SHC3: variants seen among roughly 807,000 people sequenced by gnomAD.
SHC3 encodes SHC adaptor protein 3, also known as SHC-transforming protein 3.
In SHC3, 15 loss-of-function variants were observed where a neutral mutation model predicts 60.4. That is an observed-to-expected ratio of 0.25 (90% confidence interval 0.17 to 0.38). The LOEUF is 0.38. Ranked by LOEUF, SHC3 falls within the 10% of genes least tolerant of loss-of-function variation. The pLI is 1.00. For synonymous variants in SHC3, 294 were observed against 325.9 expected (o/e 0.90, Z 1.05); for missense variants, 677 against 786.1 (o/e 0.86, Z 1.66).
rs1319711571 is a variant in SHC3, at chr9:89,105,060, C to T, written c.545+7496G>A. Reference sequence around the variant, plus strand: ...ATGCACTTGCCCACTGCATCCCAGCCGACTGCAAGTGCCTCTCACAGACTC... The same window carrying T: ...ATGCACTTGCCCACTGCATCCCAGCTGACTGCAAGTGCCTCTCACAGACTC... On this transcript the variant is annotated intron_variant, in intron 2 of 11. Transcript: ENST00000375835. 8.5e-5 allele frequency among the ~76,000 whole-genome samples: 13 copies of T among 152,264 alleles called. No individual in the cohort carries two copies. In the East Asian group the frequency reaches 1.9e-3, roughly 23 times the overall value.
At chr9:89,032,837 T>C (rs1251679518) in intron 11 of SHC3, among the ~76,000 whole-genome samples, 1 of 152,184 alleles carries the variant, frequency 6.6e-6, no homozygotes, top group African/African-American at 2.4e-5. Context: ...GACCAACCAA[T>C]TACCATGAAA....
intron 1 of SHC3, among the ~76,000 whole-genome samples, chr9:89,113,998 A>G (rs1228688380): frequency 2.6e-5 from 4 of 152,206 alleles, no homozygotes; most frequent in African/African-American, 9.6e-5. Flanking sequence ...CATCAAAGCC[A>G]CAGAATTATC....
chr9:89,068,169 T>C (rs760086050), intron 5 of SHC3, among the ~76,000 whole-genome samples: 2 of 152,222 alleles, frequency 1.3e-5, no homozygotes, highest in Non-Finnish European at 2.9e-5. Context: ...AGAAGTGCTG[T>C]TCTGCATCTA....
At chr9:89,094,674 C>A (rs1262161498) in intron 2 of SHC3, among the ~76,000 whole-genome samples, 2 of 152,074 alleles carry the variant, frequency 1.3e-5, no homozygotes, top group African/African-American at 4.8e-5. Flanking sequence ...TGCTTGAGGT[C>A]ACACAGTAGG....
chr9:89,062,175 T>C (rs1486598802), intron 6 of SHC3, among the ~76,000 whole-genome samples: 1 of 152,222 alleles, frequency 6.6e-6, no homozygotes. Flanking sequence ...ATACATAAGG[T>C]TGCAGGGCAT....
At chr9:89,109,881 A>G (rs998572844) in intron 2 of SHC3, 2 of 985,468 alleles carry the variant, frequency 2.0e-6, no homozygotes, top group East Asian at 1.1e-4. Context: ...TGAAACATCC[A>G]ACAGAAAAGT....
At chr9:89,104,326 G>T (rs1825826207) in intron 2 of SHC3, among the ~76,000 whole-genome samples, 1 of 152,188 alleles carries the variant, frequency 6.6e-6, no homozygotes, top group Non-Finnish European at 1.5e-5. Context: ...CTTTTTGGAA[G>T]TTCACATTCT....
At chr9:89,055,374 C>G (rs1277870929) in intron 6 of SHC3, among the ~76,000 whole-genome samples, 1 of 152,244 alleles carries the variant, frequency 6.6e-6, no homozygotes, top group Non-Finnish European at 1.5e-5. Flanking sequence ...TAAGCACGCT[C>G]TCAACACCCT....
intron 1 of SHC3, among the ~76,000 whole-genome samples, chr9:89,125,343 T>A (rs571634583): frequency 5.3e-5 from 8 of 152,248 alleles, no homozygotes; most frequent in Admixed American, 1.3e-4. Context: ...CTTTAATTGT[T>A]TAATGTTAGT....
chr9:89,083,605 G>A (rs377692351), intron 2 of SHC3, among the ~76,000 whole-genome samples: 6 of 152,350 alleles, frequency 3.9e-5, no homozygotes, highest in East Asian at 3.9e-4. Flanking sequence ...GATGAGCTGG[G>A]AAGTTACTGA....
chr9:89,082,575 A>G (rs965801396), intron 2 of SHC3, among the ~76,000 whole-genome samples: 1 of 152,078 alleles, frequency 6.6e-6, no homozygotes, highest in Non-Finnish European at 1.5e-5. Context: ...CCCCTCCTCC[A>G]TGGGAGGACT....
chr9:89,041,277 G>T (rs1824682933), intron 10 of SHC3, among the ~76,000 whole-genome samples: 1 of 152,176 alleles, frequency 6.6e-6, no homozygotes, highest in Non-Finnish European at 1.5e-5. Flanking sequence ...CAAACAGAAA[G>T]TCTGTGGTAC....
rs1225757851 is a variant in SHC3, at chr9:89,013,465, T to G, written c.1767A>C (p.Pro589=). The G allele has an allele frequency of 1.2e-6, 2 of 1,613,032 alleles. No individual in the cohort carries two copies. Among genetic ancestry groups the G allele is most frequent in the African/African-American group, 1.3e-5 (1 of 74,836 alleles). ...SAGSELCLQQ[P]VERKQ Reference sequence around the variant, plus strand: ...GGCCAGGTCACTGCTTCCTCTCCACTGGCTGCTGGAGACACAGCTCACTCC... The same window carrying G: ...GGCCAGGTCACTGCTTCCTCTCCACGGGCTGCTGGAGACACAGCTCACTCC... Residue 589 remains proline (P), a synonymous_variant, in exon 12 of 12, where the codon CCA becomes CCC. Transcript: ENST00000375835.
intron 4 of SHC3, among the ~76,000 whole-genome samples, chr9:89,072,664 C>T (rs1825293118): frequency 6.6e-6 from 1 of 152,150 alleles, no homozygotes; most frequent in Non-Finnish European, 1.5e-5. Context: ...GTCTTCCATG[C>T]TAATTTTATC....
chr9:89,110,303 T>C (rs1587732735), intron 2 of SHC3: 1 of 984,494 alleles, frequency 1.0e-6, no homozygotes, highest in African/African-American at 1.7e-5. Context: ...TATCTGCTTA[T>C]AAAAATATTT....
At chr9:89,167,146 G>T (rs2118258177) in intron 1 of SHC3, among the ~76,000 whole-genome samples, 1 of 152,282 alleles carries the variant, frequency 6.6e-6, no homozygotes, top group South Asian at 2.1e-4. Flanking sequence ...CAATGAGGGT[G>T]ACAGGGGTTG....
chr9:89,106,557 G>A (rs1825862976), intron 2 of SHC3, among the ~76,000 whole-genome samples: 1 of 152,164 alleles, frequency 6.6e-6, no homozygotes, highest in South Asian at 2.1e-4. Context: ...GAGGCAGTCG[G>A]TGAGCAGACA....
chr9:89,038,334 G>A (rs761135755), intron 10 of SHC3, 46 bp from the exon 11 acceptor site: 15 of 1,249,336 alleles, frequency 1.2e-5, no homozygotes, highest in African/African-American at 3.8e-5. Context: ...CCCAAGAAGA[G>A]CAAATGATAA....
chr9:89,063,318 T>G lies in SHC3; in HGVS notation c.835+2211A>C, dbSNP rs112341058. ...CTAATTTTTGTATTTTTAGTAGAGA[T>G]GGGGTTTCACCATGTCGGCCAGGCT... On this transcript the variant is annotated intron_variant, in intron 6 of 11. Transcript: ENST00000375835. 9.8e-3 allele frequency among the ~76,000 whole-genome samples: 1,497 copies of G among 152,240 alleles called. 20 individuals carry two copies. Among genetic ancestry groups the G allele is most frequent in the African/African-American group, 0.026 (1,093 of 41,546 alleles).
Sources: allele counts gnomAD v4.1 joint callset (sites outside exome capture counted in the v4.1 genomes callset), GRCh38; gene constraint gnomAD v4.1.1; transcripts MANE v1.5; gene names NCBI Gene and HGNC (gene_info 2026-07-23, HGNC 2026-07-21).